Variants in MSH3 observed in about 807,000 individuals in gnomAD.
MSH3 encodes the protein mutS homolog 3.
In MSH3, 106 loss-of-function variants were observed where a neutral mutation model predicts 123.3. The ratio of observed to expected loss-of-function variants is 0.86; its 90% CI spans 0.73 to 1.01. The LOEUF is 1.01. Among genes scored for constraint, MSH3 ranks in the 50% least tolerant of loss-of-function variants. The pLI is 0.00. For missense variants in MSH3, 1,459 were observed against 1,347.6 expected (o/e 1.08, Z -1.29); for synonymous variants, 515 against 481.4 (o/e 1.07, Z -0.91).
intron 3 of MSH3, among the ~76,000 whole-genome samples, chr5:80,666,436 G>C (rs1428190154): frequency 6.6e-6 from 1 of 152,042 alleles, no homozygotes; most frequent in African/African-American, 2.4e-5. Context: ...CCCTCAGCCA[G>C]GCTAATATTG....
In MSH3 at chr5:80,675,036, A is replaced by G. The variant is rs2112815980; in HGVS notation, c.1081A>G (p.Thr361Ala). 3.7e-6 allele frequency: 6 copies of G among 1,613,190 alleles called. No homozygotes were observed. Among genetic ancestry groups the G allele is most frequent in the Non-Finnish European group, 5.1e-6 (6 of 1,179,276 alleles). Residue 361 changes from threonine (T) to alanine (A), a missense_variant, in exon 7 of 24, where the codon ACT becomes GCT. Thr to Ala is a moderately conservative substitution (Grantham distance 58). Transcript: ENST00000265081. Reference protein sequence around the residue: ...DDAVNVDEIMTDTSTSYLLCI... With the variant: ...DDAVNVDEIMADTSTSYLLCI... The stretch of plus-strand genomic sequence containing the variant: ...TGCTGTAAATGTTGATGAGATAATG[A>G]CTGATACTTCTACCAGCTATCTTCT...
At chr5:80,722,957 A>AT (rs1325369810) in intron 8 of MSH3, among the ~76,000 whole-genome samples, 1 of 152,054 alleles carries the variant, frequency 6.6e-6, no homozygotes, top group Non-Finnish European at 1.5e-5. Flanking sequence ...ATACAAAAAA[A>AT]TTAGCTGGGC....
chr5:80,875,707 A>G (rs759632259), intron 23 of MSH3, 44 bp from the exon 24 acceptor site: 1 of 1,151,318 alleles, frequency 8.7e-7, no homozygotes, highest in Non-Finnish European at 1.3e-6. Flanking sequence ...ATTGTCTCCC[A>G]GCAATTTCAT....
chr5:80,859,155 C>G (rs770394725), intron 21 of MSH3, among the ~76,000 whole-genome samples: 1 of 152,090 alleles, frequency 6.6e-6, no homozygotes, highest in Non-Finnish European at 1.5e-5. Flanking sequence ...GAGTCTCACT[C>G]TGTCACCCAG....
At chr5:80,675,161 G>A (rs1749813228) in intron 7 of MSH3, 33 bp downstream of exon 7, 3 of 1,607,106 alleles carry the variant, frequency 1.9e-6, no homozygotes, top group Non-Finnish European at 2.6e-6. Context: ...ACAAATGTTA[G>A]ATGTTCATGG....
intron 8 of MSH3, 43 bp from the exon 9 acceptor site, chr5:80,725,410 A>C (rs769652131): frequency 2.9e-6 from 4 of 1,364,544 alleles, no homozygotes; most frequent in Non-Finnish European, 4.2e-6. Context: ...GCATTTCATG[A>C]TAATGGATAA....
intron 20 of MSH3, among the ~76,000 whole-genome samples, chr5:80,834,013 C>A (rs556292575): frequency 4.9e-4 from 75 of 152,188 alleles, no homozygotes; most frequent in African/African-American, 1.8e-3. Context: ...ACAGGAAATA[C>A]GTTTATCAAT....
At chr5:80,796,126 A>C (rs1744695357) in intron 19 of MSH3, among the ~76,000 whole-genome samples, 1 of 152,186 alleles carries the variant, frequency 6.6e-6, no homozygotes, top group Non-Finnish European at 1.5e-5. Context: ...AAGTTTCTTA[A>C]AATAATTTCC....
chr5:80,754,023 C>T (rs964886598), intron 12 of MSH3, among the ~76,000 whole-genome samples: 11 of 152,184 alleles, frequency 7.2e-5, no homozygotes, highest in Non-Finnish European at 1.3e-4. Context: ...TAGTGAATAC[C>T]TAGCAGTCTG....
At chr5:80,873,337 T>C (rs1309617939) in intron 23 of MSH3, 50 bp downstream of exon 23, 1 of 1,596,924 alleles carries the variant, frequency 6.3e-7, no homozygotes, top group East Asian at 2.2e-5. Flanking sequence ...ACCTTCTAAG[T>C]TGTCCAAGAA....
intron 20 of MSH3, among the ~76,000 whole-genome samples, chr5:80,820,988 C>T (rs1050019912): frequency 3.3e-5 from 5 of 152,162 alleles, no homozygotes; most frequent in Admixed American, 6.5e-5. Flanking sequence ...CAGACCATGC[C>T]GGCAATTCAG....
intron 8 of MSH3, among the ~76,000 whole-genome samples, chr5:80,682,128 C>T (rs1749986134): frequency 6.6e-6 from 1 of 152,104 alleles, no homozygotes; most frequent in African/African-American, 2.4e-5. Flanking sequence ...GTTCCTACAG[C>T]TAATTTATAT....
chr5:80,808,473 G>A (rs562363744), intron 19 of MSH3, among the ~76,000 whole-genome samples: 2 of 152,144 alleles, frequency 1.3e-5, no homozygotes, highest in South Asian at 4.1e-4. Context: ...TGAAGAAGTT[G>A]TCTAAGGGTC....
intron 16 of MSH3, 31 bp from the exon 17 acceptor site, chr5:80,778,689 T>C (rs891786207): frequency 7.9e-7 from 1 of 1,270,374 alleles, no homozygotes; most frequent in African/African-American, 1.5e-5. Flanking sequence ...CTAACCTTGA[T>C]TTCCTATTTG....
intron 8 of MSH3, among the ~76,000 whole-genome samples, chr5:80,684,694 G>A (rs1282689753): frequency 6.6e-6 from 1 of 152,032 alleles, no homozygotes. Context: ...GCCCTAGTTA[G>A]GACTATTATG....
chr5:80,655,279 C>T (rs571569227), intron 1 of MSH3: 65 of 276,606 alleles, frequency 2.3e-4, no homozygotes, highest in African/African-American at 1.4e-3. Flanking sequence ...CTTTTAACCT[C>T]CATCCTTTTT....
At chr5:80,709,619 G>A (rs1018736227) in intron 8 of MSH3, among the ~76,000 whole-genome samples, 1 of 151,996 alleles carries the variant, frequency 6.6e-6, no homozygotes, top group African/African-American at 2.4e-5. Flanking sequence ...GCGACAGAGT[G>A]AAACTCCGTC....
intron 20 of MSH3, among the ~76,000 whole-genome samples, chr5:80,841,429 A>C (rs1561495657): frequency 6.6e-6 from 1 of 152,202 alleles, no homozygotes; most frequent in Non-Finnish European, 1.5e-5. Context: ...CAGTAATGGG[A>C]TGGCTGGGTC....
At chr5:80,827,842 G>T (rs1166117993) in intron 20 of MSH3, among the ~76,000 whole-genome samples, 1 of 152,206 alleles carries the variant, frequency 6.6e-6, no homozygotes, top group Non-Finnish European at 1.5e-5. Context: ...CCTGGAGATA[G>T]ATACTGTTGT....
Sources: allele counts gnomAD v4.1 joint callset (sites outside exome capture counted in the v4.1 genomes callset), GRCh38; gene constraint gnomAD v4.1.1; transcripts MANE v1.5; gene names NCBI Gene and HGNC (gene_info 2026-07-23, HGNC 2026-07-21).